Variants in CEP164 observed in about 807,000 individuals in gnomAD.
The protein encoded by CEP164 is centrosomal protein of 164 kDa.
A neutral mutation model predicts 182.7 loss-of-function variants in CEP164; 162 were observed. The ratio of observed to expected loss-of-function variants is 0.89; its 90% confidence interval spans 0.78 to 1.01. The LOEUF (loss-of-function observed/expected upper bound fraction) is 1.01. Ranked by LOEUF, CEP164 falls within the 50% of genes least tolerant of loss-of-function variation. CEP164 has a pLI of 0.00. For synonymous variants in CEP164, 661 were observed against 690.0 expected (o/e 0.96, Z 0.66); for missense variants, 1,735 against 1,790.4 (o/e 0.97, Z 0.56).
At position 117,362,001 on chromosome 11, in the gene CEP164, C is replaced by T. The variant is rs368573245; in HGVS notation, c.552+8C>T. ...CTTGGAGAACTCATGCTGGTAAGTA[C>T]GTTCTCTTGCGTTCAGTGTCTGTAG... On this transcript the variant is annotated splice_region_variant and intron_variant, in intron 6 of 32. Coordinates refer to ENST00000278935, the MANE Select transcript of CEP164 (RefSeq NM_014956.5). 2.1e-5 allele frequency: 32 copies of T among 1,546,402 alleles called. No individual in the cohort carries two copies. Among genetic ancestry groups the T allele is most frequent in the African/African-American group, 1.8e-4 (13 of 72,426 alleles).
At chr11:117,336,146 G>A (rs568194864) in intron 2 of CEP164, 3 of 1,567,536 alleles carry the variant, frequency 1.9e-6, no homozygotes, top group South Asian at 1.1e-5. Flanking sequence ...GGCTTCTGAA[G>A]CTTGATGGGA....
At chr11:117,358,741 C>G (rs2040593454) in intron 5 of CEP164, among the ~76,000 whole-genome samples, 1 of 151,914 alleles carries the variant, frequency 6.6e-6, no homozygotes, top group South Asian at 2.1e-4. Flanking sequence ...ACTGTGTTGC[C>G]CAGACTGGTC....
At chr11:117,352,647 C>T (rs775361011) in intron 5 of CEP164, among the ~76,000 whole-genome samples, 5 of 152,130 alleles carry the variant, frequency 3.3e-5, no homozygotes, top group African/African-American at 4.8e-5. Context: ...AGTACAGTGG[C>T]GTGATCTCAG....
chr11:117,386,947 G>A (rs1426458503), intron 14 of CEP164: 3 of 467,468 alleles, frequency 6.4e-6, no homozygotes, highest in Non-Finnish European at 1.1e-5. Context: ...CCATAACCTC[G>A]TAAGTCTGCT....
chr11:117,344,316 C>G (rs745474487), intron 4 of CEP164, 39 bp downstream of exon 4: 40 of 1,370,814 alleles, frequency 2.9e-5, no homozygotes, highest in Non-Finnish European at 4.1e-5. Flanking sequence ...CTTGGCCTAG[C>G]AGAGGCAGAG....
chr11:117,383,803 G>A (rs1430915404), intron 14 of CEP164, among the ~76,000 whole-genome samples: 20 of 152,158 alleles, frequency 1.3e-4, no homozygotes, highest in Admixed American at 1.2e-3. Flanking sequence ...CTGGGAGGCC[G>A]AGGCAGGTGG....
At chr11:117,408,063 G>T in intron 28 of CEP164, 31 bp downstream of exon 28, 1 of 1,478,764 alleles carries the variant, frequency 6.8e-7, no homozygotes, top group Non-Finnish European at 9.3e-7. Context: ...AGTCCAGTGG[G>T]CCCTGGCCTT....
In CEP164 at chr11:117,395,584, A is replaced by G; in HGVS notation, c.2951A>G (p.Gln984Arg). ...TATHQQLEEAQKEHTHLLQSN... is the reference protein window; with the variant it reads ...TATHQQLEEARKEHTHLLQSN... ...ACCCATCAGCAGCTGGAGGAGGCAC[A>G]GAAGGAGCACACCCACCTGTTGCAG... The change falls in exon 24 of 33, where the codon CAG (glutamine) becomes CGG (arginine). Residue 984 changes from glutamine to arginine, a missense_variant. Gln to Arg is a conservative substitution (Grantham distance 43, BLOSUM62 1). Coordinates refer to ENST00000278935, the MANE Select transcript of CEP164 (RefSeq NM_014956.5). The G allele has an allele frequency of 6.2e-7, 1 of 1,613,698 alleles. No homozygotes were observed. Among genetic ancestry groups the G allele is most frequent in the Non-Finnish European group, 8.5e-7 (1 of 1,179,806 alleles).
chr11:117,330,542 G>T (rs950911957), intron 1 of CEP164, among the ~76,000 whole-genome samples: 2 of 152,164 alleles, frequency 1.3e-5, no homozygotes, highest in Non-Finnish European at 2.9e-5. Context: ...CTAGCTACTC[G>T]TGAGGCTGAG....
chr11:117,321,869 G>GT (rs2035255685), intron 1 of CEP164, among the ~76,000 whole-genome samples: 2 of 74,066 alleles, frequency 2.7e-5, no homozygotes, highest in South Asian at 5.6e-4. Context: ...TAAATTTTTG[G>GT]GTTTTTTTTT....
chr11:117,361,844 T>A lies in CEP164; in HGVS notation c.403T>A (p.Ser135Thr). The change falls in exon 6 of 33, where the codon TCC becomes ACC. Residue 135 changes from serine to threonine, a missense_variant. Transcript: ENST00000278935. ...DPPKSSLALG[S>T]SLAPVHVPLG... The stretch of plus-strand genomic sequence containing the variant: ...GTTTTCTGTTGCACAGGCCTTGGGT[T>A]CCTCATTAGCCCCAGTTCATGTTCC... 6.2e-7 allele frequency: 1 copy of A among 1,614,250 alleles called. No individual in the cohort carries two copies. Among genetic ancestry groups the A allele is most frequent in the Non-Finnish European group, 8.5e-7 (1 of 1,180,052 alleles).
chr11:117,334,499 T>G (rs2036723753), intron 1 of CEP164, among the ~76,000 whole-genome samples: 2 of 152,194 alleles, frequency 1.3e-5, no homozygotes, highest in African/African-American at 4.8e-5. Context: ...AGTAGTTAAA[T>G]ATATCGCCAG....
chr11:117,375,326 G>A lies in CEP164; in HGVS notation c.1234-382G>A, dbSNP rs201767104. 3.3e-5 allele frequency among the ~76,000 whole-genome samples: 5 copies of A among 152,288 alleles called. No homozygotes were observed. In the East Asian group the frequency reaches 7.7e-4, roughly 24 times the overall value. ...GCTTATCAGCTGTGTGACCCTGGGC[G>A]AGTTATATGTGCTCTCCAACCTGCT... On this transcript the variant is annotated intron_variant, in intron 10 of 32. Coordinates refer to ENST00000278935, the MANE Select transcript of CEP164 (RefSeq NM_014956.5).
Position 117,351,779 on chromosome 11 carries a change from C to T in CEP164, c.195-11C>T. 1 of 1,612,114 alleles carries T rather than the reference C, an allele frequency of 6.2e-7. No individual in the cohort carries two copies. Among genetic ancestry groups the T allele is most frequent in the Non-Finnish European group, 8.5e-7 (1 of 1,179,104 alleles). ...AGCAGGGACTAACTTCTGAACTCTGCCCATCCCCAGCCAGGACATCACAGG... is the reference window on the plus strand; with the variant it reads ...AGCAGGGACTAACTTCTGAACTCTGTCCATCCCCAGCCAGGACATCACAGG... On this transcript the variant is annotated splice_polypyrimidine_tract_variant and intron_variant, in intron 4 of 32. Coordinates refer to ENST00000278935, the MANE Select transcript of CEP164 (RefSeq NM_014956.5).
chr11:117,381,661 T>A (rs1440205874), intron 12 of CEP164, 40 bp from the exon 13 acceptor site: 2 of 1,581,648 alleles, frequency 1.3e-6, no homozygotes, highest in African/African-American at 2.7e-5. Context: ...GCTCTCCAAA[T>A]GGAGGGGCCT....
chr11:117,362,080 A>G (rs2041054600), intron 6 of CEP164, 87 bp downstream of exon 6: 2 of 1,278,428 alleles, frequency 1.6e-6, no homozygotes, highest in South Asian at 2.9e-5. Context: ...AGGGGTGAGA[A>G]ATAGACAGAA....
rs759698828 is a variant in CEP164 at position 117,391,168 on chromosome 11, A to G, written c.2236A>G (p.Lys746Glu). 1.3e-5 allele frequency: 21 copies of G among 1,612,866 alleles called. No individual in the cohort carries two copies. The East Asian group carries it at 4.5e-4, about 34-fold the overall frequency. Reference protein sequence around the residue: ...EQAALNAAKEKALQQLREQLE... With the variant: ...EQAALNAAKEEALQQLREQLE... ...GGCTGCCCTGAATGCTGCAAAGGAG[A>G]AGGCTCTGCAGCAGCTGAGGGAGCA... The change falls in exon 17 of 33, where the codon AAG (lysine) becomes GAG (glutamate). Residue 746 changes from lysine to glutamate, a missense_variant. By Grantham distance (56) the Lys-to-Glu change is moderately conservative. Coordinates refer to ENST00000278935, the MANE Select transcript of CEP164 (RefSeq NM_014956.5).
At chr11:117,326,895 T>C (rs1416957870), upstream of CEP164, among the ~76,000 whole-genome samples, 5 of 152,214 alleles carry the variant, frequency 3.3e-5, no homozygotes, top group Admixed American at 1.3e-4. Flanking sequence ...TGGCCAGAAC[T>C]TTCTTTGCCC....
rs538000821 is a variant in CEP164 at position 117,404,201 on chromosome 11, G to A, written c.3502-3724G>A. ...CATCCAGTTTTGTTCCCTTGCTGGC[G>A]AGGAGTTGTGATCCTTTGGAGGAGA... On this transcript the variant is annotated intron_variant, in intron 27 of 32. Transcript: ENST00000278935. Among the ~76,000 whole-genome samples, 5 of 152,202 alleles carry A rather than the reference G, an allele frequency of 3.3e-5. No homozygotes were observed. In the South Asian group the frequency reaches 8.3e-4, roughly 25 times the overall value.
Sources: allele counts gnomAD v4.1 joint callset (sites outside exome capture counted in the v4.1 genomes callset), GRCh38; gene constraint gnomAD v4.1.1; transcripts MANE v1.5; gene names NCBI Gene and HGNC (gene_info 2026-07-23, HGNC 2026-07-21).